The following RHEB variants were observed in gnomAD, a reference collection of about 807,000 sequenced individuals.
RHEB encodes GTP-binding protein Rheb.
In RHEB, 2 loss-of-function variants were observed where a neutral mutation model predicts 28.8. The ratio of observed to expected loss-of-function variants is 0.07; its 90% CI spans 0.03 to 0.22. RHEB has a LOEUF of 0.22. RHEB is among the 10% of genes least tolerant of loss of function. RHEB has a pLI of 1.00. For synonymous variants in RHEB, 69 were observed against 77.3 expected (o/e 0.89, Z 0.56); for missense variants, 76 against 219.9 (o/e 0.35, Z 4.14).
intron 3 of RHEB, among the ~76,000 whole-genome samples, chr7:151,479,368 A>G (rs1802329987): frequency 6.6e-6 from 1 of 152,180 alleles, no homozygotes; most frequent in Non-Finnish European, 1.5e-5. Flanking sequence ...GGGAGAGCTT[A>G]AAATACATTA....
intron 1 of RHEB, among the ~76,000 whole-genome samples, chr7:151,516,126 T>C (rs6948196): frequency 0.51 from 77,918 of 151,948 alleles, 20,108 homozygotes; most frequent in South Asian, 0.6. Context: ...CTTTTGGCCA[T>C]CACGGCAACA....
At chr7:151,490,250 T>C (rs1563095936) in intron 2 of RHEB, among the ~76,000 whole-genome samples, 1 of 152,114 alleles carries the variant, frequency 6.6e-6, no homozygotes, top group African/African-American at 2.4e-5. Flanking sequence ...CCAGCCTGGG[T>C]AACACTGTGA....
Position 151,519,450 on chromosome 7 carries a change from G to A in RHEB, c.52+10C>T, listed in dbSNP as rs745814046. The A allele has an allele frequency of 1.4e-6, 2 of 1,447,148 alleles. No individual in the cohort carries two copies. Among genetic ancestry groups the A allele is most frequent in the South Asian group, 1.4e-5 (1 of 71,496 alleles). 89.6% of individuals were successfully genotyped at this position (1,447,148 alleles called of 1,614,324 possible). On this transcript the variant is annotated intron_variant, in intron 1 of 7. Coordinates refer to ENST00000262187, the MANE Select transcript of RHEB (RefSeq NM_005614.4). The stretch of plus-strand genomic sequence containing the variant: ...GGCGCGAGGAGGCCGCGCGGCCACC[G>A]GCCACTCACCCACAGACCGGTAGCC...
intron 1 of RHEB, chr7:151,498,267 GAAACATCAATGAAAGAAATC>G (rs1802708590): frequency 4.9e-6 from 3 of 617,912 alleles, no homozygotes; most frequent in Non-Finnish European, 5.3e-6. Context: ...AACTTTAGGG[GAAACATCAATGAAAGAAATC>G]AAACATCAAT....
At chr7:151,485,320 C>G (rs1802451303) in intron 2 of RHEB, among the ~76,000 whole-genome samples, 1 of 152,224 alleles carries the variant, frequency 6.6e-6, no homozygotes, top group Non-Finnish European at 1.5e-5. Context: ...TGAAGCCATC[C>G]TTCCCACTTA....
chr7:151,498,492 T>C (rs539372201), intron 1 of RHEB, among the ~76,000 whole-genome samples: 1 of 152,038 alleles, frequency 6.6e-6, no homozygotes, highest in South Asian at 2.1e-4. Flanking sequence ...CAGGGTGTGG[T>C]AGTGCACGCC....
rs559458659 is a variant in RHEB at position 151,472,257 on chromosome 7, C to T, written c.276-652G>A. Among the ~76,000 whole-genome samples, 2 of 152,300 alleles carry T rather than the reference C, an allele frequency of 1.3e-5. No individual in the cohort carries two copies. The highest frequency in any genetic ancestry group is 2.9e-5 in the Non-Finnish European group (2 of 68,012). Reference sequence around the variant, plus strand: ...CTTTCAAATCCTACCTAGAATCTGACGGCTTCTCACTCCCCTCCACTGCTG... The same window carrying T: ...CTTTCAAATCCTACCTAGAATCTGATGGCTTCTCACTCCCCTCCACTGCTG... On this transcript the variant is annotated intron_variant, in intron 4 of 7. Transcript: ENST00000262187. This position sits in a 1 kb window ranked among gnomAD's most constrained non-coding sequence, Gnocchi z 5.2.
At chr7:151,477,044 A>T (rs912436280) in intron 4 of RHEB, among the ~76,000 whole-genome samples, 3 of 152,196 alleles carry the variant, frequency 2.0e-5, no homozygotes, top group African/African-American at 7.2e-5. Flanking sequence ...AGTAAAATTA[A>T]TTTAGGCATT....
At position 151,499,373 on chromosome 7, in the gene RHEB, G is replaced by C. The variant is rs78360088; in HGVS notation, c.53-8359C>G. ...AACTCTATAAAAAACGAAAAGAAAG[G>C]ACAGGAAAGGAAAGGGCAGGACAGG... On this transcript the variant is annotated intron_variant, in intron 1 of 7. Coordinates refer to ENST00000262187, the MANE Select transcript of RHEB (RefSeq NM_005614.4). 8.8e-3 allele frequency among the ~76,000 whole-genome samples: 1,345 copies of C among 152,190 alleles called. 18 individuals are homozygous for C. Among genetic ancestry groups the C allele is most frequent in the African/African-American group, 0.03 (1,266 of 41,524 alleles).
At chr7:151,503,947 A>G (rs1301081280) in intron 1 of RHEB, among the ~76,000 whole-genome samples, 5 of 152,182 alleles carry the variant, frequency 3.3e-5, no homozygotes, top group Non-Finnish European at 2.9e-5. Context: ...TAGACTGCAT[A>G]AGAAATAGAT....
intron 3 of RHEB, among the ~76,000 whole-genome samples, chr7:151,479,489 T>C (rs368074563): frequency 4.6e-5 from 7 of 152,282 alleles, no homozygotes; most frequent in South Asian, 2.1e-4. Context: ...CATATCATCC[T>C]GGCTAACACA....
Position 151,472,490 on chromosome 7 carries a change from G to T in RHEB, c.276-885C>A, listed in dbSNP as rs368494928. ...AAACTTCTGACCTCGTGATCCGCCT[G>T]CCTCGGCCTCCCAAAGTGCTGGGAT... On this transcript the variant is annotated intron_variant, in intron 4 of 7. Coordinates refer to ENST00000262187, the MANE Select transcript of RHEB (RefSeq NM_005614.4). The surrounding 1 kb of genome is among the most constrained non-coding windows in gnomAD (Gnocchi z 5.2). Among the ~76,000 whole-genome samples the T allele has an allele frequency of 5.3e-5, 8 of 152,316 alleles. No homozygotes were observed. In the East Asian group the frequency reaches 1.5e-3, roughly 29 times the overall value.
intron 1 of RHEB, among the ~76,000 whole-genome samples, chr7:151,511,866 G>A (rs531674187): frequency 6.6e-6 from 1 of 152,250 alleles, no homozygotes; most frequent in Admixed American, 6.5e-5. Flanking sequence ...GGCCAGGCTG[G>A]TCTCGAACTC....
At chr7:151,487,484 G>A (rs1484091684) in intron 2 of RHEB, among the ~76,000 whole-genome samples, 1 of 151,262 alleles carries the variant, frequency 6.6e-6, no homozygotes, top group East Asian at 1.9e-4. Context: ...CAGAAGATTC[G>A]GCCAAGAAGA....
chr7:151,511,072 C>T (rs144004082), intron 1 of RHEB, among the ~76,000 whole-genome samples: 3 of 149,850 alleles, frequency 2.0e-5, no homozygotes, highest in African/African-American at 4.9e-5. Context: ...AGTGAGACTC[C>T]GTCTCAAAAA....
intron 7 of RHEB, among the ~76,000 whole-genome samples, chr7:151,467,974 G>C (rs993580065): frequency 6.6e-6 from 1 of 151,782 alleles, no homozygotes; most frequent in Non-Finnish European, 1.5e-5. Flanking sequence ...GCCTAGCCTC[G>C]CCTCCTTATG....
chr7:151,477,486 T>A, intron 3 of RHEB, 71 bp from the exon 4 acceptor site: 1 of 837,158 alleles, frequency 1.2e-6, no homozygotes, highest in South Asian at 1.5e-5. Context: ...CCAAAGTTTT[T>A]CATGTATTAC....
intron 1 of RHEB, among the ~76,000 whole-genome samples, chr7:151,493,869 T>C (rs1802628549): frequency 6.6e-6 from 1 of 152,120 alleles, no homozygotes; most frequent in Non-Finnish European, 1.5e-5. Context: ...TCTCATGTTA[T>C]TGAAACTGAA....
intron 1 of RHEB, among the ~76,000 whole-genome samples, chr7:151,493,447 T>C (rs1470716253): frequency 6.6e-6 from 1 of 152,200 alleles, no homozygotes; most frequent in Non-Finnish European, 1.5e-5. Flanking sequence ...AGCTACTGTT[T>C]TATTAAGTTA....
Sources: allele counts gnomAD v4.1 joint callset (sites outside exome capture counted in the v4.1 genomes callset), GRCh38; gene constraint gnomAD v4.1.1; non-coding constraint Gnocchi (gnomAD v3.1); transcripts MANE v1.5; gene names NCBI Gene and HGNC (gene_info 2026-07-23, HGNC 2026-07-21).